Variants in ARSG observed in about 807,000 individuals in gnomAD.
The protein encoded by ARSG is ASG.
ARSG carries 37 observed loss-of-function variants against 50.5 expected under a neutral mutation model. The ratio of observed to expected loss-of-function variants is 0.73; its 90% CI spans 0.56 to 0.96. The LOEUF (loss-of-function observed/expected upper bound fraction) is 0.96. ARSG is among the 50% of genes least tolerant of loss of function. ARSG has a pLI of 0.00. For synonymous variants in ARSG, 225 were observed against 254.6 expected (o/e 0.88, Z 1.11); for missense variants, 629 against 675.3 (o/e 0.93, Z 0.76).
At chr17:68,305,274 C>A (rs1346876033) in intron 1 of ARSG, among the ~76,000 whole-genome samples, 1 of 152,194 alleles carries the variant, frequency 6.6e-6, no homozygotes, top group Admixed American at 6.5e-5. Flanking sequence ...TTTCAAAACT[C>A]AAGTCTGATT....
At chr17:68,299,789 T>G (rs1430104365) in intron 1 of ARSG, among the ~76,000 whole-genome samples, 1 of 152,284 alleles carries the variant, frequency 6.6e-6, no homozygotes, top group East Asian at 1.9e-4. Flanking sequence ...GGAGGACATT[T>G]GAACTCTGAT....
chr17:68,409,867 T>G (rs1261607226), intron 11 of ARSG, among the ~76,000 whole-genome samples: 2 of 150,606 alleles, frequency 1.3e-5, no homozygotes. Flanking sequence ...CCTAGGTATT[T>G]TATTCTCTTT....
chr17:68,450,896 A>G, the ARSG span: 6 of 1,611,004 alleles, frequency 3.7e-6, no homozygotes, highest in African/African-American at 8.0e-5. Context: ...CCGGGATTTC[A>G]TCTGGGAGGA....
At chr17:68,357,212 C>G (rs2079072772) in intron 6 of ARSG, among the ~76,000 whole-genome samples, 1 of 152,192 alleles carries the variant, frequency 6.6e-6, no homozygotes, top group South Asian at 2.1e-4. Context: ...CAACCAACCA[C>G]TAATTTAGTA....
intron 1 of ARSG, among the ~76,000 whole-genome samples, chr17:68,275,915 G>C (rs59943304): frequency 6.6e-6 from 1 of 151,252 alleles, no homozygotes; most frequent in Non-Finnish European, 1.5e-5. Flanking sequence ...CCTGGGAGGC[G>C]GAGGTTGCAG....
intron 1 of ARSG, chr17:68,270,909 C>T (rs1291118571): frequency 1.2e-6 from 2 of 1,614,100 alleles, no homozygotes; most frequent in Non-Finnish European, 1.7e-6. Context: ...CAGAAGACAT[C>T]TTCTCAATGC....
At chr17:68,450,708 T>C in the ARSG span, 3 of 1,598,814 alleles carry the variant, frequency 1.9e-6, no homozygotes, top group African/African-American at 4.0e-5. Flanking sequence ...TTTGAAACCC[T>C]GAGGGATTTC....
chr17:68,357,968 C>T (rs1390662119), intron 6 of ARSG, among the ~76,000 whole-genome samples: 1 of 152,064 alleles, frequency 6.6e-6, no homozygotes, highest in South Asian at 2.1e-4. Context: ...CTTTGGGAGG[C>T]CAAGATGGGC....
Position 68,271,185 on chromosome 17 carries a change from G to A in ARSG, c.-552+11759G>A, listed in dbSNP as rs781839512. 13 of 1,614,028 alleles carry A rather than the reference G, an allele frequency of 8.1e-6. No individual in the cohort carries two copies. In the South Asian group the frequency reaches 1.4e-4, roughly 18 times the overall value. On this transcript the variant is annotated intron_variant, in intron 1 of 11. Transcript: ENST00000448504. The surrounding 1 kb of genome is among the most constrained non-coding windows in gnomAD (Gnocchi z 5.3). ...ATAATAAAAAAGCAGCGCGGTCCTG[G>A]TCAATGCCCAGACTAATGCCCAGAG... is the stretch of plus-strand genomic sequence containing the variant.
intron 2 of ARSG, among the ~76,000 whole-genome samples, chr17:68,324,312 T>C (rs965588403): frequency 3.3e-5 from 5 of 152,148 alleles, no homozygotes; most frequent in African/African-American, 1.2e-4. Context: ...TCGTGGGCAT[T>C]CCTGCCTCTT....
downstream of ARSG, chr17:68,426,202 C>A: frequency 1.3e-6 from 2 of 1,524,936 alleles, no homozygotes; most frequent in Non-Finnish European, 1.8e-6. Context: ...AGACATGAAA[C>A]AAGCACTGGG....
At chr17:68,304,949 G>A (rs932493682) in intron 1 of ARSG, among the ~76,000 whole-genome samples, 1 of 152,160 alleles carries the variant, frequency 6.6e-6, no homozygotes, top group Non-Finnish European at 1.5e-5. Flanking sequence ...TGAGGTGGGA[G>A]GATCACTTGA....
intron 2 of ARSG, among the ~76,000 whole-genome samples, chr17:68,329,459 C>T (rs762948798): frequency 2.2e-4 from 33 of 152,198 alleles, no homozygotes; most frequent in Non-Finnish European, 3.4e-4. Flanking sequence ...GACTGCTTTC[C>T]GTGGAGCTGG....
At chr17:68,406,584 A>G (rs2081732610) in intron 11 of ARSG, among the ~76,000 whole-genome samples, 1 of 152,108 alleles carries the variant, frequency 6.6e-6, no homozygotes, top group Non-Finnish European at 1.5e-5. Context: ...TCTTGCAGGA[A>G]TGAGGTGGTA....
At chr17:68,349,506 T>C (rs571791596) in intron 4 of ARSG, among the ~76,000 whole-genome samples, 4 of 152,176 alleles carry the variant, frequency 2.6e-5, no homozygotes, top group Non-Finnish European at 5.9e-5. Context: ...TGCAGTAGCA[T>C]TTCAGGGCTA....
intron 10 of ARSG, among the ~76,000 whole-genome samples, chr17:68,395,423 A>G (rs1411962163): frequency 1.3e-5 from 2 of 152,236 alleles, no homozygotes; most frequent in African/African-American, 4.8e-5. Context: ...CCTCACCTAT[A>G]CTAAAGATAC....
intron 2 of ARSG, among the ~76,000 whole-genome samples, chr17:68,322,714 G>A (rs1291410454): frequency 3.3e-5 from 5 of 152,146 alleles, no homozygotes; most frequent in Admixed American, 3.3e-4. Context: ...TACATTTAGG[G>A]CCACTGTTAA....
rs1555748686 is a variant in ARSG at position 68,271,458 on chromosome 17, T to C, written c.-552+12032T>C. 1 of 1,614,194 alleles carries C rather than the reference T, an allele frequency of 6.2e-7. No individual in the cohort carries two copies. The highest frequency in any genetic ancestry group is 1.7e-5 in the Admixed American group (1 of 60,020). On this transcript the variant is annotated intron_variant, in intron 1 of 11. Coordinates refer to the ARSG transcript ENST00000448504. The surrounding 1 kb of genome is among the most constrained non-coding windows in gnomAD (Gnocchi z 5.3). ...CTACTCCTGAGTCAATGGAGTCTAT[T>C]GAGGTTCGTGTTTTCTCATTTTCAA... is the stretch of plus-strand genomic sequence containing the variant.
chr17:68,276,210 C>T (rs1322645072), intron 1 of ARSG, among the ~76,000 whole-genome samples: 2 of 151,706 alleles, frequency 1.3e-5, no homozygotes, highest in African/African-American at 4.8e-5. Context: ...TCTCCTGCCT[C>T]AGCCTTCCGA....
Sources: gnomAD v4.1 joint callset for allele counts (sites outside exome capture counted in the v4.1 genomes callset) on GRCh38, gnomAD v4.1.1 for gene constraint, Gnocchi (gnomAD v3.1) non-coding constraint, MANE v1.5 for transcripts, NCBI Gene and HGNC (gene_info 2026-07-23, HGNC 2026-07-21) for gene names.